The following FGD5 variants were observed in gnomAD, a reference collection of about 807,000 sequenced individuals.
The protein encoded by FGD5 is FYVE, RhoGEF and PH domain containing 5.
FGD5 carries 28 observed loss-of-function variants against 133.4 expected under a neutral mutation model. The observed-to-expected ratio is 0.21, with a 90% confidence interval of 0.16 to 0.29. The LOEUF (loss-of-function observed/expected upper bound fraction) is 0.29. FGD5 is among the 10% of genes least tolerant of loss of function. The pLI, the probability that FGD5 is intolerant of heterozygous loss-of-function variation, is 1.00. For synonymous variants in FGD5, 810 were observed against 776.5 expected (o/e 1.04, Z -0.72); for missense variants, 1,858 against 1,895.2 (o/e 0.98, Z 0.36).
In FGD5 at chr3:14,933,221, T is replaced by G; in HGVS notation, c.*54T>G. ...AATTCTTAGGTCAATATGTGAATGC[T>G]TTTAGAAGCTAAGCTGTGGCTCAAC... On this transcript the variant is annotated 3_prime_UTR_variant, in exon 20 of 20. Coordinates refer to ENST00000285046, the MANE Select transcript of FGD5 (RefSeq NM_152536.4). The G allele has an allele frequency of 6.3e-7, 1 of 1,586,096 alleles. No individual in the cohort carries two copies. Among genetic ancestry groups the G allele is most frequent in the Non-Finnish European group, 8.6e-7 (1 of 1,161,370 alleles).
At chr3:14,861,499 G>T (rs1423823518) in intron 1 of FGD5, among the ~76,000 whole-genome samples, 1 of 152,318 alleles carries the variant, frequency 6.6e-6, no homozygotes, top group Non-Finnish European at 1.5e-5. Context: ...AGGCCCAACT[G>T]CATCTGCTTT....
At position 14,819,144 on chromosome 3, in the gene FGD5, G is replaced by A; in HGVS notation, c.73G>A (p.Val25Met). Residue 25 changes from valine to methionine, a missense_variant, in exon 1 of 20, where the codon GTG (valine) becomes ATG (methionine). Physicochemically the swap from Val to Met is conservative, Grantham distance 21. Transcript: ENST00000285046. This position sits in a 1 kb window ranked among gnomAD's most constrained non-coding sequence, Gnocchi z 4.1. Reference sequence around the variant, plus strand: ...TGCCCCAAACGAGTGGAGAGCCAGTGTGTACCTGAATGACAGCTTGAACAA... The same window carrying A: ...TGCCCCAAACGAGTGGAGAGCCAGTATGTACCTGAATGACAGCTTGAACAA... ...LTAPNEWRAS[V>M]YLNDSLNKCS... The A allele has an allele frequency of 1.9e-6, 3 of 1,551,390 alleles. No homozygotes were observed. The highest frequency in any genetic ancestry group is 2.6e-6 in the Non-Finnish European group (3 of 1,147,016).
intron 10 of FGD5, among the ~76,000 whole-genome samples, chr3:14,909,073 A>G (rs563362402): frequency 4.4e-4 from 67 of 151,542 alleles, no homozygotes; most frequent in Non-Finnish European, 8.8e-4. Flanking sequence ...GGTTCAAGCA[A>G]TTCTCCTGCC....
rs779946762 is a variant in FGD5 at position 14,907,669 on chromosome 3, G to C, written c.3294G>C (p.Glu1098Asp). The stretch of plus-strand genomic sequence containing the variant: ...ACCTGCAGAAGCTGGTCCACATTGA[G>C]CACAGCGTCCGGGGCCAAGGGGATC... ...GENLQKLVHI[E>D]HSVRGQGDLL... Residue 1098 changes from glutamate to aspartate, a missense_variant, in exon 10 of 20, where the codon GAG becomes GAC. Coordinates refer to ENST00000285046, the MANE Select transcript of FGD5 (RefSeq NM_152536.4). 6.2e-7 allele frequency: 1 copy of C among 1,613,776 alleles called. No homozygotes were observed. The highest frequency in any genetic ancestry group is 1.1e-5 in the South Asian group (1 of 91,058).
intron 1 of FGD5, among the ~76,000 whole-genome samples, chr3:14,837,890 G>A (rs2036847721): frequency 6.6e-6 from 1 of 152,196 alleles, no homozygotes; most frequent in African/African-American, 2.4e-5. Flanking sequence ...AGTCTGACGT[G>A]ACATACTTAT....
At chr3:14,901,640 C>T (rs534427037) in intron 9 of FGD5, among the ~76,000 whole-genome samples, 21 of 152,290 alleles carry the variant, frequency 1.4e-4, no homozygotes, top group Non-Finnish European at 2.2e-4. Flanking sequence ...GTTCCAAGCC[C>T]GAGTCCTAGG....
At chr3:14,914,283 G>A (rs768038766) in intron 11 of FGD5, among the ~76,000 whole-genome samples, 24 of 152,244 alleles carry the variant, frequency 1.6e-4, no homozygotes, top group Non-Finnish European at 2.2e-4. Flanking sequence ...CCCACGCCCA[G>A]CAGTGTTGTT....
At chr3:14,885,923 C>T (rs780996402) in intron 4 of FGD5, among the ~76,000 whole-genome samples, 5 of 152,204 alleles carry the variant, frequency 3.3e-5, no homozygotes, top group Admixed American at 6.5e-5. Flanking sequence ...TTGGAAAAGA[C>T]AGTCTACTAC....
At chr3:14,858,957 C>T (rs189797436) in intron 1 of FGD5, among the ~76,000 whole-genome samples, 4 of 152,234 alleles carry the variant, frequency 2.6e-5, no homozygotes, top group East Asian at 3.9e-4. Context: ...AGTATCAGAA[C>T]GTTTTGATTT....
chr3:14,810,834 C>G (rs2036280785), upstream of FGD5: 2 of 984,834 alleles, frequency 2.0e-6, no homozygotes, highest in Admixed American at 6.2e-5. Flanking sequence ...GACGGCGGCC[C>G]GGGCCCCGCG....
intron 1 of FGD5, among the ~76,000 whole-genome samples, chr3:14,829,241 A>C (rs772607292): frequency 2.0e-5 from 3 of 152,190 alleles, no homozygotes; most frequent in Non-Finnish European, 4.4e-5. Context: ...GGGTGGGCCC[A>C]GTTGAGAACG....
chr3:14,921,564 C>A, intron 13 of FGD5: 1 of 263,718 alleles, frequency 3.8e-6, no homozygotes, highest in East Asian at 7.9e-5. Context: ...CCCCTGCCAG[C>A]CCGTTTCTCC....
intron 1 of FGD5, among the ~76,000 whole-genome samples, chr3:14,838,118 G>A (rs2036852499): frequency 6.6e-6 from 1 of 152,154 alleles, no homozygotes; most frequent in African/African-American, 2.4e-5. Flanking sequence ...ACTAGCTGAC[G>A]TCCACTCCTG....
At chr3:14,818,704 A>AT (rs1374528724), upstream of FGD5, among the ~76,000 whole-genome samples, 1 of 152,056 alleles carries the variant, frequency 6.6e-6, no homozygotes, top group African/African-American at 2.4e-5. Context: ...CATTTGGTTG[A>AT]TTTTCGTTAG....
rs1272028955 is a variant in FGD5 at position 14,933,378 on chromosome 3, T to C, written c.*211T>C. 2 of 594,814 alleles carry C rather than the reference T, an allele frequency of 3.4e-6. No homozygotes were observed. The highest frequency in any genetic ancestry group is 3.0e-6 in the Non-Finnish European group (1 of 331,986). 36.8% of individuals were successfully genotyped at this position (594,814 alleles called of 1,614,324 possible). A position where few individuals can be genotyped will look rare whatever the true frequency, so the allele number is the denominator to read the frequency against. ...AGGGATATTTATGGACCTCTCCTTT[T>C]CTGTGTTTTCCACCCCTACCCCCAC... is the stretch of plus-strand genomic sequence containing the variant. On this transcript the variant is annotated 3_prime_UTR_variant, in exon 20 of 20. Coordinates refer to ENST00000285046, the MANE Select transcript of FGD5 (RefSeq NM_152536.4).
rs765083696 is a variant in FGD5 at position 14,917,352 on chromosome 3, T to G, written c.3489+20T>G. ...ATGAAGGTAAATATCTGGTGCCAGG[T>G]ACCCCCGGGTTGGGGGACAGGGAGA... On this transcript the variant is annotated intron_variant, in intron 12 of 19. Transcript: ENST00000285046. This position sits in a 1 kb window ranked among gnomAD's most constrained non-coding sequence, Gnocchi z 4.1. 11 of 1,605,266 alleles carry G rather than the reference T, an allele frequency of 6.9e-6. No individual in the cohort carries two copies. Among genetic ancestry groups the G allele is most frequent in the Admixed American group, 5.1e-5 (3 of 58,724 alleles).
chr3:14,923,093 G>A lies in FGD5; in HGVS notation c.3855G>A (p.Leu1285=), dbSNP rs1559507804. 1 of 1,613,906 alleles carries A rather than the reference G, an allele frequency of 6.2e-7. No homozygotes were observed. Among genetic ancestry groups the A allele is most frequent in the Non-Finnish European group, 8.5e-7 (1 of 1,179,862 alleles). Residue 1285 remains leucine, a synonymous_variant, in exon 16 of 20, where the codon CTG becomes CTA. Transcript: ENST00000285046. ...CSRNKYPLKY[L]KDRMAKVCDG... ...GGAACAAGTACCCGCTGAAGTACCT[G>A]AAGGACAGGATGGCCAAGGTCTGCG...
chr3:14,909,605 C>G (rs2125142994), intron 10 of FGD5, among the ~76,000 whole-genome samples: 1 of 152,276 alleles, frequency 6.6e-6, no homozygotes, highest in East Asian at 1.9e-4. Context: ...CAGCCACCCA[C>G]AGAGCAAAGA....
At chr3:14,813,988 G>A (rs1028001955), upstream of FGD5, among the ~76,000 whole-genome samples, 5 of 152,152 alleles carry the variant, frequency 3.3e-5, no homozygotes, top group African/African-American at 9.7e-5. Flanking sequence ...CTGTCAGTGC[G>A]ATTCCCCCAC....
Sources: gnomAD v4.1 joint callset for allele counts (sites outside exome capture counted in the v4.1 genomes callset) on GRCh38, gnomAD v4.1.1 for gene constraint, Gnocchi (gnomAD v3.1) non-coding constraint, MANE v1.5 for transcripts, NCBI Gene and HGNC (gene_info 2026-07-23, HGNC 2026-07-21) for gene names.